PARVG: variants seen among roughly 807,000 people sequenced by gnomAD.
The protein encoded by PARVG is gamma-parvin.
A neutral mutation model predicts 44.4 loss-of-function variants in PARVG; 36 were observed. The observed-to-expected ratio is 0.81, with a 90% CI of 0.62 to 1.07. The LOEUF (loss-of-function observed/expected upper bound fraction) is 1.07, where lower values mean the gene tolerates loss of function less well. Among genes scored for constraint, PARVG ranks in the 50% least tolerant of loss-of-function variants. The pLI, the probability that PARVG is intolerant of heterozygous loss-of-function variation, is 0.00. For synonymous variants in PARVG, 170 were observed against 174.1 expected (o/e 0.98, Z 0.19); for missense variants, 407 against 407.4 (o/e 1.00, Z 0.01).
chr22:44,176,243 A>T (rs1180044324), upstream of PARVG, among the ~76,000 whole-genome samples: 2 of 152,196 alleles, frequency 1.3e-5, no homozygotes, highest in Admixed American at 1.3e-4. Context: ...ACTGCACAGT[A>T]TTTGCATATA....
intron 4 of PARVG, chr22:44,186,294 A>T: frequency 3.0e-6 from 1 of 327,890 alleles, no homozygotes. Flanking sequence ...GTGTAGGAGA[A>T]CTGGTGAGGT....
upstream of PARVG, among the ~76,000 whole-genome samples, chr22:44,177,087 A>G (rs2054325982): frequency 2.6e-5 from 4 of 152,200 alleles, no homozygotes; most frequent in South Asian, 8.3e-4. Flanking sequence ...GCCAAACCAT[A>G]TCACTATGTT....
At chr22:44,193,915 T>C (rs2054584240) in intron 9 of PARVG, 92 bp downstream of exon 9, 1 of 1,481,052 alleles carries the variant, frequency 6.8e-7, no homozygotes, top group Non-Finnish European at 9.4e-7. Flanking sequence ...CTGAGCATTC[T>C]CTCATTTCCC....
intron 8 of PARVG, among the ~76,000 whole-genome samples, chr22:44,192,826 G>A (rs146267247): frequency 6.6e-6 from 1 of 152,220 alleles, no homozygotes; most frequent in South Asian, 2.1e-4. Context: ...CCCACTGGGA[G>A]CATGGCTGTC....
In PARVG at chr22:44,183,390, G is replaced by C. The variant is rs1018608683; in HGVS notation, c.61G>C (p.Glu21Gln). The stretch of plus-strand genomic sequence containing the variant: ...CCCCAAGGGGGTGGAGCCCCCAGCG[G>C]AGGAGGAGCTCTCAAAAGGTGTGTG... The part of the protein sequence containing the change: ...QLPKGVEPPA[E>Q]EELSKGGKKK... Residue 21 changes from glutamate (E) to glutamine (Q), a missense_variant, in exon 3 of 14, where the codon GAG becomes CAG. Transcript: ENST00000444313. The C allele has an allele frequency of 3.1e-6, 5 of 1,606,086 alleles. No individual in the cohort carries two copies. The African/African-American group carries it at 5.4e-5, about 17-fold the overall frequency.
exon 1 of PARVG, chr22:44,172,987 C>A (rs1008150858): frequency 7.8e-7 from 1 of 1,289,362 alleles, no homozygotes; most frequent in Admixed American, 2.3e-5. Flanking sequence ...ATCTTTCATG[C>A]ATTTAGCAGT....
chr22:44,201,146 G>A (rs955119646), intron 12 of PARVG, among the ~76,000 whole-genome samples: 20 of 152,220 alleles, frequency 1.3e-4, no homozygotes, highest in Admixed American at 5.2e-4. Flanking sequence ...TTCCCTGGGC[G>A]GGCGGCCAGC....
upstream of PARVG, among the ~76,000 whole-genome samples, chr22:44,176,122 A>G (rs1259958816): frequency 2.0e-5 from 3 of 152,154 alleles, no homozygotes; most frequent in South Asian, 4.1e-4. Context: ...TGAGCCTGAA[A>G]CACTGTGCCG....
chr22:44,183,409 G>A lies in PARVG; in HGVS notation c.79+1G>A. 1 of 1,598,394 alleles carries A rather than the reference G, an allele frequency of 6.3e-7. No individual in the cohort carries two copies. On this transcript the variant is annotated splice_donor_variant, in intron 3 of 13. Transcript: ENST00000444313. LOFTEE classifies it high-confidence loss of function. Reference sequence around the variant, plus strand: ...CCAGCGGAGGAGGAGCTCTCAAAAGGTGTGTGCCCACGCAGGTCTGAGGGT... The same window carrying A: ...CCAGCGGAGGAGGAGCTCTCAAAAGATGTGTGCCCACGCAGGTCTGAGGGT...
At chr22:44,195,710 C>G (rs1469797403) in intron 9 of PARVG, among the ~76,000 whole-genome samples, 1 of 152,210 alleles carries the variant, frequency 6.6e-6, no homozygotes, top group African/African-American at 2.4e-5. Context: ...CTCATGGACC[C>G]TGATCACCCA....
At chr22:44,192,193 C>A in intron 8 of PARVG, 89 bp downstream of exon 8, 1 of 1,462,938 alleles carries the variant, frequency 6.8e-7, no homozygotes, top group South Asian at 1.2e-5. Flanking sequence ...TCTGCCTGAC[C>A]TTTGTGGGAA....
chr22:44,185,521 T>C (rs2054451947), intron 3 of PARVG: 3 of 303,774 alleles, frequency 9.9e-6, no homozygotes, highest in Non-Finnish European at 1.9e-5. Context: ...TCACTTTACC[T>C]AAATAGGTAG....
At chr22:44,186,225 G>A (rs139132) in intron 4 of PARVG, 66,371 of 307,300 alleles carry the variant, frequency 0.22, 8,264 homozygotes, top group Admixed American at 0.4. Flanking sequence ...ACGGAGCTGT[G>A]GTTTGACACG....
chr22:44,189,225 A>T lies in PARVG; in HGVS notation c.359A>T (p.Glu120Val). 1 of 1,614,144 alleles carries T rather than the reference A, an allele frequency of 6.2e-7. No individual in the cohort carries two copies. The highest frequency in any genetic ancestry group is 8.5e-7 in the Non-Finnish European group (1 of 1,179,984). The change falls in exon 6 of 14, where the codon GAG (glutamate) becomes GTG (valine). Residue 120 changes from glutamate to valine, a missense_variant. By Grantham distance (121) the Glu-to-Val change is moderately radical. Transcript: ENST00000444313. ...GCCGTGAACCGGAGTCTGCAGCTGG[A>T]GGAGTGGCAGGCCAAGTGGAGCGTG... is the stretch of plus-strand genomic sequence containing the variant. Reference protein sequence around the residue: ...LEAVNRSLQLEEWQAKWSVES... With the variant: ...LEAVNRSLQLVEWQAKWSVES...
intron 3 of PARVG, chr22:44,183,783 G>C: frequency 2.5e-6 from 1 of 399,188 alleles, no homozygotes; most frequent in Non-Finnish European, 4.4e-6. Context: ...AAGGGGTGAC[G>C]TGCCACAGTA....
chr22:44,190,470 T>C, intron 6 of PARVG, 81 bp from the exon 7 acceptor site: 1 of 1,047,044 alleles, frequency 9.6e-7, no homozygotes, highest in Non-Finnish European at 1.5e-6. Context: ...CAGATGGTTG[T>C]TCTGACAGTG....
At chr22:44,194,667 T>TATCC (rs539985877) in intron 9 of PARVG, among the ~76,000 whole-genome samples, 4,643 of 132,552 alleles carry the variant, frequency 0.035, 198 homozygotes, top group African/African-American at 0.11. Context: ...TCCATCAACC[T>TATCC]ATCCATCCAT....
At position 44,189,130 on chromosome 22, in the gene PARVG, C is replaced by G; in HGVS notation, c.264C>G (p.Leu88=). The G allele has an allele frequency of 6.2e-7, 1 of 1,613,850 alleles. No individual in the cohort carries two copies. ...LHHLFQRLAA[L]KLEAEDIALT... ...TGCCTCCAGAGAGGCTGGCGGCGCT[C>G]AAGCTGGAAGCAGAGGACATCGCCC... is the stretch of plus-strand genomic sequence containing the variant. Residue 88 remains leucine (L), a synonymous_variant, in exon 6 of 14, where the codon CTC becomes CTG. Coordinates refer to ENST00000444313, the MANE Select transcript of PARVG (RefSeq NM_022141.7).
upstream of PARVG, among the ~76,000 whole-genome samples, chr22:44,177,670 G>A (rs1455189087): frequency 6.6e-6 from 1 of 152,068 alleles, no homozygotes; most frequent in South Asian, 2.1e-4. Flanking sequence ...TCCTCTCAGC[G>A]CATCATTACC....
Sources: allele counts gnomAD v4.1 joint callset (sites outside exome capture counted in the v4.1 genomes callset), GRCh38; gene constraint gnomAD v4.1.1; transcripts MANE v1.5; gene names NCBI Gene and HGNC (gene_info 2026-07-23, HGNC 2026-07-21).